Variants in SLC12A2 observed in about 807,000 individuals in gnomAD.
SLC12A2 encodes the protein solute carrier family 12 member 2, also known as Na-K-2Cl cotransporter 1.
SLC12A2 carries 67 observed loss-of-function variants against 136.3 expected under a neutral mutation model. That is an observed-to-expected ratio of 0.49 (90% CI 0.40 to 0.60). The LOEUF is 0.60. SLC12A2 is among the 20% of genes least tolerant of loss of function. The pLI, the probability that SLC12A2 is intolerant of heterozygous loss-of-function variation, is 0.00. For missense variants in SLC12A2, 1,322 were observed against 1,534.7 expected (o/e 0.86, Z 2.32); for synonymous variants, 619 against 562.9 (o/e 1.10, Z -1.41).
intron 1 of SLC12A2, among the ~76,000 whole-genome samples, chr5:128,104,275 G>A (rs1760848603): frequency 1.3e-5 from 2 of 152,142 alleles, no homozygotes; most frequent in South Asian, 2.1e-4. Flanking sequence ...TACCAGAATA[G>A]CCTCCAAGTA....
Position 128,148,550 on chromosome 5 carries a change from A to G in SLC12A2, c.1882-204A>G, listed in dbSNP as rs185600998. ...AACATGGGGATAGGGTAAGGCAGAT[A>G]GAAGTTTTGACCAGTATCCTTCTGA... On this transcript the variant is annotated intron_variant, in intron 11 of 26. Transcript: ENST00000262461. 6.5e-4 allele frequency among the ~76,000 whole-genome samples: 99 copies of G among 151,922 alleles called. 1 individual carries two copies. Among genetic ancestry groups the G allele is most frequent in the African/African-American group, 2.4e-3 (98 of 41,526 alleles).
At chr5:128,162,610 G>A (rs558346390) in intron 17 of SLC12A2, among the ~76,000 whole-genome samples, 24 of 152,118 alleles carry the variant, frequency 1.6e-4, no homozygotes, top group African/African-American at 5.8e-4. Flanking sequence ...ATAAATAAAG[G>A]AAGCATAGAC....
chr5:128,133,176 T>A (rs1333999257), intron 5 of SLC12A2, among the ~76,000 whole-genome samples: 1 of 152,042 alleles, frequency 6.6e-6, no homozygotes, highest in Non-Finnish European at 1.5e-5. Context: ...CACTAAAAAA[T>A]TTTTTTGCAA....
rs559012818 is a variant in SLC12A2 at position 128,086,784 on chromosome 5, C to T, written c.756+2074C>T. On this transcript the variant is annotated intron_variant, in intron 1 of 26. Coordinates refer to ENST00000262461, the MANE Select transcript of SLC12A2 (RefSeq NM_001046.3). ...TACAAATATGACTATACATCACTGT[C>T]GAAAGAGGGGCAGACAGGAGGGGTT... is the stretch of plus-strand genomic sequence containing the variant. 6.6e-5 allele frequency among the ~76,000 whole-genome samples: 10 copies of T among 152,240 alleles called. No homozygotes were observed. The South Asian group carries it at 2.1e-3, about 32-fold the overall frequency.
chr5:128,183,043 A>G, intron 24 of SLC12A2, 102 bp downstream of exon 24: 1 of 636,450 alleles, frequency 1.6e-6, no homozygotes, highest in East Asian at 2.8e-5. Context: ...TGTTAGTTAC[A>G]TGTGAAGTCA....
At chr5:128,129,308 A>G (rs1333326126) in intron 4 of SLC12A2, among the ~76,000 whole-genome samples, 1 of 152,064 alleles carries the variant, frequency 6.6e-6, no homozygotes, top group African/African-American at 2.4e-5. Context: ...TATTGTAGGG[A>G]TTTTACTTGT....
intron 21 of SLC12A2, 52 bp from the exon 22 acceptor site, chr5:128,178,515 G>A: frequency 7.3e-7 from 1 of 1,371,498 alleles, no homozygotes; most frequent in Non-Finnish European, 9.8e-7. Flanking sequence ...TTCAGCAAAA[G>A]GGACTTTAAT....
At chr5:128,107,263 A>AT (rs542435255) in intron 1 of SLC12A2, among the ~76,000 whole-genome samples, 10 of 151,248 alleles carry the variant, frequency 6.6e-5, no homozygotes, top group Non-Finnish European at 1.2e-4. Flanking sequence ...CCCTAGTCAT[A>AT]TTTTTTTTTC....
intron 24 of SLC12A2, among the ~76,000 whole-genome samples, chr5:128,183,163 G>C (rs1216293399): frequency 6.6e-6 from 1 of 152,082 alleles, no homozygotes; most frequent in Non-Finnish European, 1.5e-5. Flanking sequence ...CTTTACATGT[G>C]ATTTCTGAAA....
At chr5:128,136,871 A>G (rs1023077654) in intron 7 of SLC12A2, among the ~76,000 whole-genome samples, 3 of 152,126 alleles carry the variant, frequency 2.0e-5, no homozygotes, top group African/African-American at 7.2e-5. Context: ...TTAAAGTCCA[A>G]ACATAAATAT....
rs556447792 is a variant in SLC12A2 at position 128,140,592 on chromosome 5, T to C, written c.1622-1238T>C. The stretch of plus-strand genomic sequence containing the variant: ...CATGCTCATTTCATTCTGTCTGCAT[T>C]AGCCCTTGGAGCAATAGGGGTAACC... On this transcript the variant is annotated intron_variant, in intron 9 of 26. Coordinates refer to ENST00000262461, the MANE Select transcript of SLC12A2 (RefSeq NM_001046.3). Among the ~76,000 whole-genome samples the C allele has an allele frequency of 3.9e-5, 6 of 152,216 alleles. No homozygotes were observed. The South Asian group carries it at 1.0e-3, about 26-fold the overall frequency.
chr5:128,171,814 C>T (rs1482528570), intron 19 of SLC12A2, 68 bp downstream of exon 19: 3 of 912,652 alleles, frequency 3.3e-6, no homozygotes, highest in Non-Finnish European at 5.2e-6. Context: ...AAATTATATT[C>T]TCACAAACTG....
chr5:128,174,656 T>C lies in SLC12A2; in HGVS notation c.2919T>C (p.Ile973=). The change falls in exon 20 of 27, where the codon ATT becomes ATC. Residue 973 remains isoleucine (I), a synonymous_variant. Coordinates refer to ENST00000262461, the MANE Select transcript of SLC12A2 (RefSeq NM_001046.3). ...CCAAACCACTCAGTGAAAAACCAAT[T>C]ACACACAAAGGTAATTTTCATTCAA... The part of the protein sequence containing the change: ...DTSKPLSEKP[I]THKVEEEDGK... The C allele has an allele frequency of 5.0e-6, 8 of 1,592,868 alleles. No homozygotes were observed. The highest frequency in any genetic ancestry group is 6.8e-6 in the Non-Finnish European group (8 of 1,171,440).
Position 128,167,810 on chromosome 5 carries a change from A to G in SLC12A2, c.2666A>G (p.Lys889Arg). Reference protein sequence around the residue: ...MKPNTLVLGFKKDWLQADMRD... With the variant: ...MKPNTLVLGFRKDWLQADMRD... The stretch of plus-strand genomic sequence containing the variant: ...CCAAACACACTTGTCCTTGGATTTA[A>G]GAAAGATTGGTTGCAAGCAGATATG... The change falls in exon 18 of 27, where the codon AAG (lysine) becomes AGG (arginine). Residue 889 changes from lysine to arginine, a missense_variant. This residue lies in a region of SLC12A2 where 226 missense variants were observed against 210.4 expected (regional missense o/e 1.07). Coordinates refer to ENST00000262461, the MANE Select transcript of SLC12A2 (RefSeq NM_001046.3). 6.2e-7 allele frequency: 1 copy of G among 1,610,118 alleles called. No individual in the cohort carries two copies.
At chr5:128,137,779 G>C (rs1440904355) in intron 7 of SLC12A2, among the ~76,000 whole-genome samples, 1 of 152,066 alleles carries the variant, frequency 6.6e-6, no homozygotes, top group African/African-American at 2.4e-5. Flanking sequence ...AAATAGAAAG[G>C]AACTTTACTT....
At chr5:128,162,819 C>T (rs1763082438) in intron 17 of SLC12A2, among the ~76,000 whole-genome samples, 2 of 152,190 alleles carry the variant, frequency 1.3e-5, no homozygotes, top group Non-Finnish European at 2.9e-5. Context: ...TCTGCCAATA[C>T]AGAGTGTTAG....
At chr5:128,184,742 T>G in intron 25 of SLC12A2, 47 bp from the exon 26 acceptor site, 10 of 1,609,624 alleles carry the variant, frequency 6.2e-6, no homozygotes, top group Non-Finnish European at 8.5e-6. Context: ...CCATGCTAAA[T>G]TCTTATTTCC....
intron 1 of SLC12A2, among the ~76,000 whole-genome samples, chr5:128,095,509 A>C (rs527988341): frequency 6.6e-6 from 1 of 152,302 alleles, no homozygotes; most frequent in Non-Finnish European, 1.5e-5. Flanking sequence ...CCCATTTCCC[A>C]AAGAATATGT....
At chr5:128,134,628 G>A (rs898120212) in intron 6 of SLC12A2, among the ~76,000 whole-genome samples, 10 of 152,098 alleles carry the variant, frequency 6.6e-5, no homozygotes, top group African/African-American at 2.4e-4. Context: ...ACATGGGGCA[G>A]TAAATAAAAG....
Sources: gnomAD v4.1 joint callset for allele counts (sites outside exome capture counted in the v4.1 genomes callset) on GRCh38, gnomAD v4.1.1 for gene constraint, gnomAD v4.1.1 regional missense constraint, MANE v1.5 for transcripts, NCBI Gene and HGNC (gene_info 2026-07-23, HGNC 2026-07-21) for gene names.